ZSWIM5: variants seen among roughly 807,000 people sequenced by gnomAD.
ZSWIM5 encodes zinc finger SWIM domain-containing protein 5.
Under a neutral mutation model 119.6 loss-of-function variants are expected in ZSWIM5, and 55 were observed. The ratio of observed to expected loss-of-function variants is 0.46; its 90% CI spans 0.37 to 0.58. ZSWIM5 has a LOEUF of 0.58. Among genes scored for constraint, ZSWIM5 ranks in the 20% least tolerant of loss-of-function variants. The pLI is 0.00. For missense variants in ZSWIM5, 1,193 were observed against 1,512.8 expected, an observed-to-expected ratio of 0.79 and a Z score of 3.51; for synonymous variants, 537 against 606.9, an observed-to-expected ratio of 0.88 and a Z score of 1.69.
chr1:45,200,118 T>A (rs1392270967), intron 1 of ZSWIM5, among the ~76,000 whole-genome samples: 2 of 152,196 alleles, frequency 1.3e-5, no homozygotes, highest in Non-Finnish European at 2.9e-5. Flanking sequence ...GATATGACAA[T>A]GTACTCATTC....
chr1:45,043,510 T>C, intron 5 of ZSWIM5, 115 bp from the exon 6 acceptor site: 1 of 1,013,110 alleles, frequency 9.9e-7, no homozygotes, highest in Non-Finnish European at 1.5e-6. Flanking sequence ...AGAATAACTC[T>C]GGCAGCAGTA....
intron 2 of ZSWIM5, among the ~76,000 whole-genome samples, chr1:45,073,554 C>A (rs536121828): frequency 6.6e-6 from 1 of 151,490 alleles, no homozygotes; most frequent in Non-Finnish European, 1.5e-5. Context: ...CCACTGCGCC[C>A]GGCCTGCTGA....
At chr1:45,141,303 A>T (rs79951384) in intron 1 of ZSWIM5, among the ~76,000 whole-genome samples, 2 of 152,256 alleles carry the variant, frequency 1.3e-5, no homozygotes, top group East Asian at 3.9e-4. Flanking sequence ...GCAAGTATAC[A>T]TCAGAAAGGG....
intron 1 of ZSWIM5, among the ~76,000 whole-genome samples, chr1:45,152,207 A>G (rs1035598273): frequency 1.3e-5 from 2 of 152,178 alleles, no homozygotes; most frequent in African/African-American, 4.8e-5. Context: ...CAGGGCAGTG[A>G]TATAATCATA....
At chr1:45,199,905 C>A (rs1646149093) in intron 1 of ZSWIM5, among the ~76,000 whole-genome samples, 1 of 152,196 alleles carries the variant, frequency 6.6e-6, no homozygotes, top group Non-Finnish European at 1.5e-5. Flanking sequence ...CTGAGCCTTA[C>A]ACGTAATAAG....
rs1014102249 is a variant in ZSWIM5, at chr1:45,143,188, A to G, written c.596-54951T>C. On this transcript the variant is annotated intron_variant, in intron 1 of 13. Transcript: ENST00000359600. ...CTCTGTCTCAAAAAAAAAAAAAAAA[A>G]AAGAAGAAGAAAAGAAAACACAGAC... is the stretch of plus-strand genomic sequence containing the variant. 2.5e-4 allele frequency among the ~76,000 whole-genome samples: 38 copies of G among 150,954 alleles called. No individual in the cohort carries two copies. The South Asian group carries it at 4.0e-3, about 16-fold the overall frequency.
chr1:45,047,359 T>A (rs1212496171), intron 5 of ZSWIM5, among the ~76,000 whole-genome samples: 1 of 152,156 alleles, frequency 6.6e-6, no homozygotes, highest in Non-Finnish European at 1.5e-5. Context: ...ATTGAAAGCC[T>A]GACTTGGAGT....
chr1:45,167,916 C>T (rs1645917757), intron 1 of ZSWIM5, among the ~76,000 whole-genome samples: 1 of 152,154 alleles, frequency 6.6e-6, no homozygotes, highest in Admixed American at 6.6e-5. Context: ...GACAGTGTGG[C>T]AATTCCTCAA....
At chr1:45,176,309 G>A (rs1645981193) in intron 1 of ZSWIM5, among the ~76,000 whole-genome samples, 1 of 151,796 alleles carries the variant, frequency 6.6e-6, no homozygotes, top group Non-Finnish European at 1.5e-5. Flanking sequence ...TGTTGCCCAG[G>A]CTGGAGTGCT....
intron 1 of ZSWIM5, among the ~76,000 whole-genome samples, chr1:45,144,008 TAG>T (rs1197939042): frequency 1.3e-5 from 2 of 152,058 alleles, no homozygotes; most frequent in Non-Finnish European, 2.9e-5. Context: ...CCTAAATAAA[TAG>T]AGAGATATAC....
chr1:45,196,078 G>T (rs567546553), intron 1 of ZSWIM5, among the ~76,000 whole-genome samples: 1 of 137,314 alleles, frequency 7.3e-6, no homozygotes, highest in African/African-American at 2.7e-5. Flanking sequence ...GTCTCAATAT[G>T]CTGCCCAGGC....
At chr1:45,204,729 G>C (rs947087055) in intron 1 of ZSWIM5, among the ~76,000 whole-genome samples, 5 of 152,226 alleles carry the variant, frequency 3.3e-5, no homozygotes, top group Admixed American at 1.3e-4. Flanking sequence ...TCAAAAATCA[G>C]TATTTTCTTC....
intron 1 of ZSWIM5, among the ~76,000 whole-genome samples, chr1:45,149,824 T>A (rs1645785384): frequency 6.6e-6 from 1 of 152,044 alleles, no homozygotes; most frequent in Non-Finnish European, 1.5e-5. Context: ...ATAAATTACG[T>A]TGAAACAAAA....
chr1:45,036,358 T>C (rs1398778919), intron 8 of ZSWIM5, 59 bp from the exon 9 acceptor site: 48 of 1,133,452 alleles, frequency 4.2e-5, no homozygotes, highest in Middle Eastern at 3.6e-4. Flanking sequence ...TTCTTTCTTT[T>C]TTTTTTTTTT....
intron 2 of ZSWIM5, among the ~76,000 whole-genome samples, chr1:45,077,024 C>T (rs1169531414): frequency 6.6e-6 from 1 of 152,086 alleles, no homozygotes; most frequent in Non-Finnish European, 1.5e-5. Flanking sequence ...TCTTGAATTT[C>T]TTTGAGTTTC....
intron 1 of ZSWIM5, among the ~76,000 whole-genome samples, chr1:45,205,233 G>C (rs1646180477): frequency 6.6e-6 from 1 of 151,764 alleles, no homozygotes; most frequent in Non-Finnish European, 1.5e-5. Flanking sequence ...CCGGTCCAGG[G>C]GAAAAATCCT....
At chr1:45,127,611 A>AC (rs1645629517) in intron 1 of ZSWIM5, among the ~76,000 whole-genome samples, 1 of 148,316 alleles carries the variant, frequency 6.7e-6, no homozygotes, top group Non-Finnish European at 1.5e-5. Context: ...AAAAAAAAAA[A>AC]TTTTTTTTTT....
chr1:45,172,945 C>T (rs2149045841), intron 1 of ZSWIM5, among the ~76,000 whole-genome samples: 1 of 152,148 alleles, frequency 6.6e-6, no homozygotes, highest in African/African-American at 2.4e-5. Flanking sequence ...GGGAAGATTG[C>T]TTAAGACCAG....
chr1:45,115,595 C>T (rs572882631), intron 1 of ZSWIM5, among the ~76,000 whole-genome samples: 35 of 149,788 alleles, frequency 2.3e-4, no homozygotes, highest in African/African-American at 8.2e-4. Context: ...CGGGCAGAGA[C>T]GCTCGTCACT....
Sources: gnomAD v4.1 joint callset for allele counts (sites outside exome capture counted in the v4.1 genomes callset) on GRCh38, gnomAD v4.1.1 for gene constraint, MANE v1.5 for transcripts, NCBI Gene and HGNC (gene_info 2026-07-23, HGNC 2026-07-21) for gene names.